Variants in FXYD1 observed in about 807,000 individuals in gnomAD.
FXYD1 encodes the protein FXYD domain containing ion transport regulator 1.
A neutral mutation model predicts 17.2 loss-of-function variants in FXYD1; 9 were observed. The observed-to-expected ratio is 0.52, with a 90% confidence interval of 0.32 to 0.91. The LOEUF is 0.91. Among genes scored for constraint, FXYD1 ranks in the 40% least tolerant of loss-of-function variants. The pLI is 0.04. For synonymous variants in FXYD1, 55 were observed against 45.8 expected (o/e 1.20, Z -0.81); for missense variants, 113 against 120.6 (o/e 0.94, Z 0.29).
Position 35,142,452 on chromosome 19 carries a change from C to T in FXYD1, c.207-20C>T. 13 of 1,595,220 alleles carry T rather than the reference C, an allele frequency of 8.1e-6. No individual in the cohort carries two copies. The highest frequency in any genetic ancestry group is 1.1e-5 in the South Asian group (1 of 89,762). On this transcript the variant is annotated intron_variant, in intron 5 of 7. Coordinates refer to ENST00000351325, the MANE Select transcript of FXYD1 (RefSeq NM_021902.4). The stretch of plus-strand genomic sequence containing the variant: ...TCTCCCCCTTTCCATCCCGAAATCC[C>T]TCTGCCTCTGTCTTCCCAGGACTGG...
chr19:35,141,461 C>T, intron 4 of FXYD1, 75 bp from the exon 5 acceptor site: 2 of 1,257,432 alleles, frequency 1.6e-6, no homozygotes, highest in African/African-American at 1.5e-5. Flanking sequence ...CTCGCGAGGG[C>T]GAGCTGGAGC....
At chr19:35,138,428 A>G (rs1257139828), upstream of FXYD1, 2 of 152,200 alleles carry the variant, frequency 1.3e-5, no homozygotes, top group Non-Finnish European at 2.9e-5. Context: ...CAGCCCTGTT[A>G]AGGACCTCAC....
At chr19:35,139,788 C>T in intron 1 of FXYD1, 1 of 368,104 alleles carries the variant, frequency 2.7e-6, no homozygotes, top group Non-Finnish European at 5.1e-6. Context: ...GAATCGGGGG[C>T]CTGCTGCGGG....
chr19:35,139,499 G>A (rs77395635), intron 1 of FXYD1: 2,030 of 152,682 alleles, frequency 0.013, 45 homozygotes, highest in African/African-American at 0.045. Flanking sequence ...TGGCAGCTGG[G>A]CCTCACCCCG....
intron 4 of FXYD1, 52 bp from the exon 5 acceptor site, chr19:35,141,484 T>G: frequency 6.6e-7 from 1 of 1,524,654 alleles, no homozygotes. Flanking sequence ...CAGCGCCGCT[T>G]GGCGCCCGCC....
At position 35,140,155 on chromosome 19, in the gene FXYD1, G is replaced by A. The variant is rs1324051114; in HGVS notation, c.61+15G>A. 3 of 1,392,706 alleles carry A rather than the reference G, an allele frequency of 2.2e-6. No individual in the cohort carries two copies. Among genetic ancestry groups the A allele is most frequent in the Middle Eastern group, 1.8e-4 (1 of 5,532 alleles). The allele number at this position is 1,392,706 out of a possible 1,614,324, so 86.3% of individuals were successfully genotyped here. A position where few individuals can be genotyped will look rare whatever the true frequency, so the allele number is the denominator to read the frequency against. ...GGCCAAGGCAGGTGAGTGCAGGGGA[G>A]GCTGCCCGCTACCCACCTCAGCCCC... On this transcript the variant is annotated intron_variant, in intron 2 of 7. Transcript: ENST00000351325.
chr19:35,141,574 T>C lies in FXYD1; in HGVS notation c.206+2T>C. On this transcript the variant is annotated splice_donor_variant, in intron 5 of 7. Transcript: ENST00000351325. LOFTEE classifies it high-confidence loss of function. Reference sequence around the variant, plus strand: ...GTGCAAGTTCAACCAGCAGCAGAGGTAAGACGCCCCTCCCCGCCCTCCTTC... The same window carrying C: ...GTGCAAGTTCAACCAGCAGCAGAGGCAAGACGCCCCTCCCCGCCCTCCTTC... 2 of 1,609,220 alleles carry C rather than the reference T, an allele frequency of 1.2e-6. No homozygotes were observed. The highest frequency in any genetic ancestry group is 1.7e-6 in the Non-Finnish European group (2 of 1,178,018).
Position 35,141,225 on chromosome 19 carries a change from C to G in FXYD1, c.169+19C>G, listed in dbSNP as rs747505928. On this transcript the variant is annotated intron_variant, in intron 4 of 7. Coordinates refer to ENST00000351325, the MANE Select transcript of FXYD1 (RefSeq NM_021902.4). The stretch of plus-strand genomic sequence containing the variant: ...GTGCTGAGTGAGTGCCCCTAGCTCC[C>G]GCCCTCTACCCCGCCTCTCCCTGGC... The G allele has an allele frequency of 3.4e-6, 5 of 1,489,052 alleles. No individual in the cohort carries two copies. The highest frequency in any genetic ancestry group is 4.7e-6 in the Non-Finnish European group (5 of 1,070,634). The allele number at this position is 1,489,052 out of a possible 1,614,324, so 92.2% of individuals were successfully genotyped here. A position where few individuals can be genotyped will look rare whatever the true frequency, so the allele number is the denominator to read the frequency against.
chr19:35,141,473 A>G, intron 4 of FXYD1, 63 bp from the exon 5 acceptor site: 2 of 1,395,482 alleles, frequency 1.4e-6, no homozygotes, highest in Non-Finnish European at 2.0e-6. Context: ...AGCTGGAGCT[A>G]CAGCGCCGCT....
upstream of FXYD1, chr19:35,137,886 C>T (rs1038330566): frequency 8.5e-5 from 13 of 152,380 alleles, no homozygotes; most frequent in African/African-American, 3.1e-4. Context: ...CCGCCTTGGC[C>T]TCCCAAAGTG....
chr19:35,139,143 G>T (rs528505491), intron 1 of FXYD1: 1 of 152,394 alleles, frequency 6.6e-6, no homozygotes, highest in Admixed American at 6.5e-5. Flanking sequence ...GCGTCACTGC[G>T]TGGGGGCACC....
At chr19:35,141,628 G>A (rs2065257426) in intron 5 of FXYD1, 56 bp downstream of exon 5, 5 of 1,440,204 alleles carry the variant, frequency 3.5e-6, no homozygotes, top group Non-Finnish European at 4.8e-6. Flanking sequence ...GGGCGCCGCG[G>A]GTGAGGCGGG....
At chr19:35,140,359 A>G (rs1303009741) in intron 2 of FXYD1, among the ~76,000 whole-genome samples, 1 of 152,058 alleles carries the variant, frequency 6.6e-6, no homozygotes, top group African/African-American at 2.4e-5. Flanking sequence ...TGAATCCCCG[A>G]TGGGATAACT....
Position 35,143,094 on chromosome 19 carries a change from C to T in FXYD1, c.*207C>T, listed in dbSNP as rs1365150030. On this transcript the variant is annotated 3_prime_UTR_variant, in exon 8 of 8. Transcript: ENST00000351325. This position sits in a 1 kb window ranked among gnomAD's most constrained non-coding sequence, Gnocchi z 4.3. ...GGTCCCTCAGCGCGAAACGCCAGCGCCACTGGGCCCCAGCAGGGGGCGCCC... is the reference window on the plus strand; with the variant it reads ...GGTCCCTCAGCGCGAAACGCCAGCGTCACTGGGCCCCAGCAGGGGGCGCCC... The T allele has an allele frequency of 4.3e-5, 24 of 555,448 alleles. No homozygotes were observed. Among genetic ancestry groups the T allele is most frequent in the Admixed American group, 2.2e-4 (6 of 27,580 alleles). The allele number at this position is 555,448 out of a possible 1,614,324, so 34.4% of individuals were successfully genotyped here.
chr19:35,139,884 G>A, intron 1 of FXYD1, 192 bp from the exon 2 acceptor site: 1 of 579,428 alleles, frequency 1.7e-6, no homozygotes, highest in Non-Finnish European at 3.1e-6. Context: ...ATCCCATCGT[G>A]GAGGTTGTTT....
Position 35,140,138 on chromosome 19 carries a change from C to G in FXYD1, c.59C>G (p.Ala20Gly). 10 of 1,512,368 alleles carry G rather than the reference C, an allele frequency of 6.6e-6. No homozygotes were observed. Among genetic ancestry groups the G allele is most frequent in the Non-Finnish European group, 9.2e-6 (10 of 1,087,130 alleles). The allele number at this position is 1,512,368 out of a possible 1,614,324, so 93.7% of individuals were successfully genotyped here. The change falls in exon 2 of 8, where the codon GCA becomes GGA. Residue 20 changes from alanine (A) to glycine (G), a missense_variant and splice_region_variant. Ala to Gly is a moderately conservative substitution (Grantham distance 60). Coordinates refer to ENST00000351325, the MANE Select transcript of FXYD1 (RefSeq NM_021902.4). ...FCVGLLTMAKAESPKEHDPFT... is the reference protein window; with the variant it reads ...FCVGLLTMAKGESPKEHDPFT... ...GTGGGTCTCCTCACCATGGCCAAGGCAGGTGAGTGCAGGGGAGGCTGCCCG... is the reference window on the plus strand; with the variant it reads ...GTGGGTCTCCTCACCATGGCCAAGGGAGGTGAGTGCAGGGGAGGCTGCCCG...
intron 6 of FXYD1, 92 bp from the exon 7 acceptor site, chr19:35,142,628 G>A: frequency 2.6e-6 from 4 of 1,539,156 alleles, no homozygotes; most frequent in Non-Finnish European, 3.6e-6. Flanking sequence ...TCTGAAAGCG[G>A]AGGGCGGGGA....
chr19:35,142,538 T>C lies in FXYD1; in HGVS notation c.256+17T>C, dbSNP rs777140104. On this transcript the variant is annotated intron_variant, in intron 6 of 7. Coordinates refer to ENST00000351325, the MANE Select transcript of FXYD1 (RefSeq NM_021902.4). ...CCATCCGCCGTGAGTCTGGGGAGAC[T>C]GCGGGTATTCTGGGGAGAGGGCTGG... The C allele has an allele frequency of 1.2e-6, 2 of 1,611,372 alleles. No homozygotes were observed. The highest frequency in any genetic ancestry group is 1.7e-6 in the Non-Finnish European group (2 of 1,177,704).
At chr19:35,139,302 T>C (rs1406381312) in intron 1 of FXYD1, 2 of 149,206 alleles carry the variant, frequency 1.3e-5, no homozygotes, top group African/African-American at 2.5e-5. Context: ...TGTGTGTGTG[T>C]ATCCCTGCCC....
Sources: gnomAD v4.1 joint callset for allele counts (sites outside exome capture counted in the v4.1 genomes callset) on GRCh38, gnomAD v4.1.1 for gene constraint, Gnocchi (gnomAD v3.1) non-coding constraint, MANE v1.5 for transcripts, NCBI Gene and HGNC (gene_info 2026-07-23, HGNC 2026-07-21) for gene names.